The following CPD variants were observed in gnomAD, a reference collection of about 807,000 sequenced individuals.
The protein encoded by CPD is carboxypeptidase D, also known as metallocarboxypeptidase D.
In CPD, 69 loss-of-function variants were observed where a neutral mutation model predicts 138.3. The observed-to-expected ratio is 0.50, with a 90% CI of 0.41 to 0.61. The LOEUF is 0.61. Ranked by LOEUF, CPD falls within the 20% of genes least tolerant of loss-of-function variation. The probability of loss-of-function intolerance (pLI) is 0.00; values close to 1 mark genes in which losing one functional copy is unlikely to be tolerated. For synonymous variants in CPD, 651 were observed against 642.1 expected (o/e 1.01, Z -0.21); for missense variants, 1,432 against 1,733.3 (o/e 0.83, Z 3.09).
At chr17:30,413,494 C>T (rs1343686594) in intron 2 of CPD, among the ~76,000 whole-genome samples, 1 of 152,114 alleles carries the variant, frequency 6.6e-6, no homozygotes, top group Non-Finnish European at 1.5e-5. Flanking sequence ...GTTTGACATC[C>T]CCATATGGAT....
At chr17:30,392,189 T>C (rs779843769) in intron 2 of CPD, among the ~76,000 whole-genome samples, 16 of 152,078 alleles carry the variant, frequency 1.1e-4, no homozygotes, top group Non-Finnish European at 1.9e-4. Flanking sequence ...TTTGTATTTT[T>C]AGTAGAGACG....
chr17:30,449,542 G>GT lies in CPD; in HGVS notation c.2874-6dup. 6.4e-7 allele frequency: 1 copy of GT among 1,564,446 alleles called. No individual in the cohort carries two copies. The highest frequency in any genetic ancestry group is 8.6e-7 in the Non-Finnish European group (1 of 1,165,738). On this transcript the variant is annotated splice_polypyrimidine_tract_variant and intron_variant, in intron 12 of 20. Transcript: ENST00000225719. ...TTACTTGCTGATTTTTTTGTTTCTG[G>GT]TTTTTGAAAGTTTGGGACAGAGCAC...
At chr17:30,432,183 A>C (rs1036473933) in intron 8 of CPD, among the ~76,000 whole-genome samples, 5 of 152,246 alleles carry the variant, frequency 3.3e-5, no homozygotes, top group African/African-American at 1.2e-4. Context: ...ATAAGGGCTT[A>C]ATGAATTATA....
intron 2 of CPD, among the ~76,000 whole-genome samples, chr17:30,413,473 A>C (rs1912021284): frequency 6.6e-6 from 1 of 152,238 alleles, no homozygotes; most frequent in Admixed American, 6.5e-5. Context: ...TATTCTGAGA[A>C]GTCAAAGTCT....
At position 30,465,309 on chromosome 17, in the gene CPD, A is replaced by G. The variant is rs1358622014; in HGVS notation, c.*495A>G. The stretch of plus-strand genomic sequence containing the variant: ...TTGTTAAATAGCTGGAGTTTTTCTT[A>G]TTCAGGTTTAATGGAGGTTGAATTG... On this transcript the variant is annotated 3_prime_UTR_variant, in exon 21 of 21. Transcript: ENST00000225719. 1 of 158,100 alleles carries G rather than the reference A, an allele frequency of 6.3e-6. No homozygotes were observed. The highest frequency in any genetic ancestry group is 1.4e-5 in the Non-Finnish European group (1 of 71,656). 9.8% of individuals were successfully genotyped at this position (158,100 alleles called of 1,614,324 possible). A position where few individuals can be genotyped will look rare whatever the true frequency, so the allele number is the denominator to read the frequency against.
chr17:30,465,019 C>G lies in CPD; in HGVS notation c.*205C>G. The G allele has an allele frequency of 1.9e-6, 1 of 538,858 alleles. No individual in the cohort carries two copies. The highest frequency in any genetic ancestry group is 3.3e-6 in the Non-Finnish European group (1 of 301,134). The allele number at this position is 538,858 out of a possible 1,614,324, so 33.4% of individuals were successfully genotyped here. A position where few individuals can be genotyped will look rare whatever the true frequency, so the allele number is the denominator to read the frequency against. The stretch of plus-strand genomic sequence containing the variant: ...GTACTCTAAACCTTTAAAAAAAAAT[C>G]TGATTTATGCAGCAGAGATGGGACA... On this transcript the variant is annotated 3_prime_UTR_variant, in exon 21 of 21. Transcript: ENST00000225719.
At chr17:30,382,939 A>G (rs1260663393) in intron 1 of CPD, among the ~76,000 whole-genome samples, 1 of 152,170 alleles carries the variant, frequency 6.6e-6, no homozygotes, top group Non-Finnish European at 1.5e-5. Flanking sequence ...GTTGACACTC[A>G]AGAAATGTTT....
chr17:30,400,280 T>C (rs1278266878), intron 2 of CPD, among the ~76,000 whole-genome samples: 1 of 152,224 alleles, frequency 6.6e-6, no homozygotes, highest in East Asian at 1.9e-4. Flanking sequence ...TACTTAACTT[T>C]TCACAGTTCT....
At chr17:30,428,506 C>T (rs1242096242) in intron 7 of CPD, among the ~76,000 whole-genome samples, 2 of 152,040 alleles carry the variant, frequency 1.3e-5, no homozygotes, top group African/African-American at 4.8e-5. Flanking sequence ...TTATTTGGCT[C>T]GAAAAGGAAT....
intron 2 of CPD, among the ~76,000 whole-genome samples, chr17:30,403,536 T>G (rs760432135): frequency 3.3e-5 from 5 of 152,174 alleles, no homozygotes; most frequent in Non-Finnish European, 5.9e-5. Flanking sequence ...AAAGAAAGGA[T>G]GTGCAATATC....
chr17:30,423,439 GA>G, intron 5 of CPD, 66 bp from the exon 6 acceptor site: 1 of 1,238,856 alleles, frequency 8.1e-7, no homozygotes, highest in South Asian at 1.9e-5. Flanking sequence ...ATATGTTGCG[GA>G]AAAAAACTGA....
intron 2 of CPD, among the ~76,000 whole-genome samples, chr17:30,408,922 C>T (rs1911881545): frequency 6.6e-6 from 1 of 152,026 alleles, no homozygotes. Flanking sequence ...TTCAAAAAAA[C>T]TGGCACAGTA....
intron 20 of CPD, 145 bp downstream of exon 20, chr17:30,462,614 C>G: frequency 1.6e-6 from 1 of 640,294 alleles, no homozygotes; most frequent in East Asian, 2.8e-5. Context: ...TTTCCTGGAC[C>G]TCTGTTCTCG....
In CPD at chr17:30,451,808, CAAA is replaced by C; in HGVS notation, c.3168_3170del (p.Asn1057del). 1 of 1,613,982 alleles carries C rather than the reference CAAA, an allele frequency of 6.2e-7. No individual in the cohort carries two copies. The highest frequency in any genetic ancestry group is 1.1e-5 in the South Asian group (1 of 91,076). The stretch of plus-strand genomic sequence containing the variant: ...GACTGTACTTCAAAAATAGGACAAA[CAAA>C]TGCTCGTGGCAAAGATTTGGATACA... On this transcript the variant is annotated inframe_deletion, in exon 14 of 21. Coordinates refer to ENST00000225719, the MANE Select transcript of CPD (RefSeq NM_001304.5).
At chr17:30,425,997 G>A (rs758421246) in intron 6 of CPD, among the ~76,000 whole-genome samples, 82 of 151,446 alleles carry the variant, frequency 5.4e-4, no homozygotes, top group African/African-American at 1.0e-3. Flanking sequence ...TCAGGAGTTC[G>A]AGACCAGCCT....
intron 13 of CPD, 136 bp from the exon 14 acceptor site, chr17:30,451,572 TTTA>T: frequency 1.3e-6 from 1 of 764,066 alleles, no homozygotes; most frequent in South Asian, 2.8e-5. Flanking sequence ...AATTTAATTT[TTTA>T]TTTTTTCATT....
intron 10 of CPD, 88 bp from the exon 11 acceptor site, chr17:30,443,714 G>A (rs768845533): frequency 1.5e-4 from 187 of 1,267,168 alleles, no homozygotes; most frequent in Non-Finnish European, 2.0e-4. Context: ...TATTTGTGTT[G>A]ACAATCTGTT....
intron 10 of CPD, 58 bp downstream of exon 10, chr17:30,442,508 G>A (rs1042148726): frequency 8.3e-5 from 128 of 1,550,592 alleles, no homozygotes; most frequent in South Asian, 1.8e-4. Flanking sequence ...ATTTTTGTGC[G>A]TACACGTGGT....
In CPD at chr17:30,424,213, C is replaced by T. The variant is rs528537799; in HGVS notation, c.1849+516C>T. Among the ~76,000 whole-genome samples, 104 of 152,296 alleles carry T rather than the reference C, an allele frequency of 6.8e-4. 1 individual carries two copies. Among genetic ancestry groups the T allele is most frequent in the Non-Finnish European group, 1.5e-4 (10 of 68,026 alleles). ...GGGCGAGGGTTGAAAGATTTATTATCAATCGAAAGGAATGTCTGGGTTAGG... is the reference window on the plus strand; with the variant it reads ...GGGCGAGGGTTGAAAGATTTATTATTAATCGAAAGGAATGTCTGGGTTAGG... On this transcript the variant is annotated intron_variant, in intron 6 of 20. Coordinates refer to ENST00000225719, the MANE Select transcript of CPD (RefSeq NM_001304.5).
Sources: gnomAD v4.1 joint callset for allele counts (sites outside exome capture counted in the v4.1 genomes callset) on GRCh38, gnomAD v4.1.1 for gene constraint, MANE v1.5 for transcripts, NCBI Gene and HGNC (gene_info 2026-07-23, HGNC 2026-07-21) for gene names.